The following RBM34 variants were observed in gnomAD, a reference collection of about 807,000 sequenced individuals.
RBM34 encodes RNA-binding protein 34.
A neutral mutation model predicts 44.6 loss-of-function variants in RBM34; 39 were observed. The observed-to-expected ratio is 0.87, with a 90% CI of 0.68 to 1.14. The LOEUF (loss-of-function observed/expected upper bound fraction) is 1.14. RBM34 is among the 50% of genes most tolerant of loss of function. The pLI, the probability that RBM34 is intolerant of heterozygous loss-of-function variation, is 0.00. For synonymous variants in RBM34, 194 were observed against 184.0 expected, an observed-to-expected ratio of 1.05 and a Z score of -0.44; for missense variants, 572 against 517.9, an observed-to-expected ratio of 1.10 and a Z score of -1.01.
At chr1:235,136,239 G>C (rs1661424244) in intron 8 of RBM34, 166 bp from the exon 9 acceptor site, 7 of 650,980 alleles carry the variant, frequency 1.1e-5, no homozygotes. Flanking sequence ...TTCCCTGCTG[G>C]ACTGTGTGTG....
intron 6 of RBM34, among the ~76,000 whole-genome samples, chr1:235,144,034 G>A (rs755047083): frequency 3.0e-4 from 45 of 151,992 alleles, no homozygotes; most frequent in Non-Finnish European, 5.6e-4. Flanking sequence ...AAAATCAGCC[G>A]GGTGTGGTGG....
chr1:235,155,868 C>CGTATATATATATATATATATAT, intron 3 of RBM34, among the ~76,000 whole-genome samples: 1 of 24,734 alleles, frequency 4.0e-5, no homozygotes, highest in African/African-American at 2.1e-4. Flanking sequence ...TATATATATA[C>CGTATATATATATATATATATAT]ATATATACTT....
In RBM34 at chr1:235,131,724, T is replaced by C. The variant is rs183788622; in HGVS notation, c.1282A>G (p.Lys428Glu). ...KKSGRPKKQR[K>E]QK ...GCAGTTCCTGGTTGTTATTTCTGTTTTCTCTGTTTCTTAGGGCGTCCACTT... is the reference window on the plus strand; with the variant it reads ...GCAGTTCCTGGTTGTTATTTCTGTTCTCTCTGTTTCTTAGGGCGTCCACTT... The change falls in exon 11 of 11, where the codon AAA (lysine) becomes GAA (glutamate). Residue 428 changes from lysine to glutamate, a missense_variant. Lys to Glu is a moderately conservative substitution (Grantham distance 56). Coordinates refer to ENST00000408888, the MANE Select transcript of RBM34 (RefSeq NM_015014.4). 4.2e-5 allele frequency: 67 copies of C among 1,585,786 alleles called. No individual in the cohort carries two copies. The East Asian group carries it at 1.5e-3, about 34-fold the overall frequency.
chr1:235,148,054 A>T (rs1661981686), intron 6 of RBM34, among the ~76,000 whole-genome samples: 1 of 152,142 alleles, frequency 6.6e-6, no homozygotes, highest in East Asian at 1.9e-4. Flanking sequence ...TGACCAGCAC[A>T]AGCAAACATG....
At position 235,161,197 on chromosome 1, in the gene RBM34, C is replaced by G; in HGVS notation, c.30G>C (p.Lys10Asn). 1.9e-6 allele frequency: 3 copies of G among 1,610,140 alleles called. No individual in the cohort carries two copies. Among genetic ancestry groups the G allele is most frequent in the Non-Finnish European group, 1.7e-6 (2 of 1,177,748 alleles). MALEGMSKR[K>N]RKRSVQEGEN... ...ACCCCTCCTGGACACTTCTCTTTCT[C>G]TTCCGTTTGCTCATCCCTTCCAAGG... is the stretch of plus-strand genomic sequence containing the variant. Residue 10 changes from lysine to asparagine, a missense_variant, in exon 1 of 11, where the codon AAG becomes AAC. Coordinates refer to ENST00000408888, the MANE Select transcript of RBM34 (RefSeq NM_015014.4).
chr1:235,152,760 C>A lies in RBM34; in HGVS notation c.603G>T (p.Leu201=), dbSNP rs745542259. 3 of 1,572,970 alleles carry A rather than the reference C, an allele frequency of 1.9e-6. No individual in the cohort carries two copies. The highest frequency in any genetic ancestry group is 1.9e-5 in the Admixed American group (1 of 53,084). The change falls in exon 5 of 11, where the codon CTG becomes CTT. Residue 201 remains leucine (L), a synonymous_variant. Transcript: ENST00000408888. ...GTCCATACTCTTTAAAAAACGACTT[C>A]AGCTTCTAAAATTAAAAAAAAAAAT... ...NLPVTCNKKK[L]KSFFKEYGQI...
intron 5 of RBM34, among the ~76,000 whole-genome samples, chr1:235,150,814 G>A (rs1662126597): frequency 6.6e-6 from 1 of 152,186 alleles, no homozygotes. Flanking sequence ...TGTAATGAGG[G>A]ATGGGTGCTG....
At chr1:235,144,637 C>T (rs1661829207) in intron 6 of RBM34, among the ~76,000 whole-genome samples, 1 of 152,030 alleles carries the variant, frequency 6.6e-6, no homozygotes. Context: ...GTTCCAGCTA[C>T]TTGGGAGGCT....
intron 6 of RBM34, among the ~76,000 whole-genome samples, chr1:235,143,507 G>A (rs184984753): frequency 0.012 from 1,829 of 152,284 alleles, 21 homozygotes; most frequent in Admixed American, 0.019. Context: ...AGTCTGAGGC[G>A]GGCGGATCAC....
intron 6 of RBM34, among the ~76,000 whole-genome samples, chr1:235,148,075 G>A (rs903466498): frequency 1.2e-4 from 19 of 152,178 alleles, no homozygotes; most frequent in African/African-American, 4.6e-4. Context: ...AATTCTCTCT[G>A]GAAAAACACA....
At chr1:235,146,786 AATT>A (rs1661926716) in intron 6 of RBM34, among the ~76,000 whole-genome samples, 1 of 152,020 alleles carries the variant, frequency 6.6e-6, no homozygotes, top group Non-Finnish European at 1.5e-5. Context: ...ACACCCTGCT[AATT>A]TTTCTATTTT....
chr1:235,147,543 G>A (rs1373752363), intron 6 of RBM34, among the ~76,000 whole-genome samples: 1 of 152,098 alleles, frequency 6.6e-6, no homozygotes, highest in Non-Finnish European at 1.5e-5. Flanking sequence ...CAAACACTGT[G>A]GGAATCTATA....
At chr1:235,158,521 CA>C (rs1162293943) in intron 3 of RBM34, among the ~76,000 whole-genome samples, 25 of 151,124 alleles carry the variant, frequency 1.7e-4, no homozygotes, top group Non-Finnish European at 3.5e-4. Context: ...ATGTGGTACA[CA>C]CAGCACCCAG....
At chr1:235,156,886 T>C (rs533469441) in intron 3 of RBM34, among the ~76,000 whole-genome samples, 22 of 152,346 alleles carry the variant, frequency 1.4e-4, no homozygotes, top group Non-Finnish European at 2.2e-4. Context: ...ATACATGGTA[T>C]GCAAACATAA....
At chr1:235,139,003 CTGG>C (rs1246025653) in intron 6 of RBM34, among the ~76,000 whole-genome samples, 1 of 152,156 alleles carries the variant, frequency 6.6e-6, no homozygotes, top group Admixed American at 6.5e-5. Flanking sequence ...GTCGCGACTG[CTGG>C]TGGGTGTTGT....
At chr1:235,142,506 T>A (rs1572151209) in intron 6 of RBM34, among the ~76,000 whole-genome samples, 4 of 151,658 alleles carry the variant, frequency 2.6e-5, no homozygotes, top group Admixed American at 2.6e-4. Context: ...CTTAAAATCC[T>A]GACCTCAGGT....
rs193110095 is a variant in RBM34, at chr1:235,152,689, G to A, written c.657+17C>T. 213 of 1,593,324 alleles carry A rather than the reference G, an allele frequency of 1.3e-4. No individual in the cohort carries two copies. In the Middle Eastern group the frequency reaches 3.0e-3, roughly 23 times the overall value. ...AAATTTTAATATTATGTAATTTTAC[G>A]GGGGAATGAAACATACCAGAGAACG... On this transcript the variant is annotated intron_variant, in intron 5 of 10. Coordinates refer to ENST00000408888, the MANE Select transcript of RBM34 (RefSeq NM_015014.4).
chr1:235,155,822 CATAT>C (rs1172462826), intron 3 of RBM34, among the ~76,000 whole-genome samples: 1,131 of 63,652 alleles, frequency 0.018, 11 homozygotes, highest in Middle Eastern at 0.045. Context: ...CATACATATA[CATAT>C]ATATATATAT....
intron 6 of RBM34, among the ~76,000 whole-genome samples, chr1:235,140,317 G>A (rs910978483): frequency 1.3e-5 from 2 of 152,208 alleles, no homozygotes; most frequent in Non-Finnish European, 2.9e-5. Flanking sequence ...AGGGCTGCGC[G>A]GCGCTTGCGG....
Sources: allele counts gnomAD v4.1 joint callset (sites outside exome capture counted in the v4.1 genomes callset), GRCh38; gene constraint gnomAD v4.1.1; transcripts MANE v1.5; gene names NCBI Gene and HGNC (gene_info 2026-07-23, HGNC 2026-07-21).